Variants in COL21A1 observed in about 807,000 individuals in gnomAD.
COL21A1 encodes collagen type XXI alpha 1 chain.
A neutral mutation model predicts 137.9 loss-of-function variants in COL21A1; 149 were observed. The observed-to-expected ratio is 1.08, with a 90% CI of 0.95 to 1.24. The LOEUF is 1.24. Ranked by LOEUF, COL21A1 falls within the 50% of genes most tolerant of loss-of-function variation. The pLI is 0.00. For synonymous variants in COL21A1, 456 were observed against 391.5 expected, an observed-to-expected ratio of 1.16 and a Z score of -1.95; for missense variants, 1,167 against 1,158.4, an observed-to-expected ratio of 1.01 and a Z score of -0.11.
At chr6:56,083,343 T>A (rs1767956345) in intron 17 of COL21A1, among the ~76,000 whole-genome samples, 1 of 151,984 alleles carries the variant, frequency 6.6e-6, no homozygotes, top group Non-Finnish European at 1.5e-5. Flanking sequence ...CCCCAAGGAA[T>A]CTATCCTTCA....
chr6:56,196,452 C>T (rs1296548426), intron 1 of COL21A1, among the ~76,000 whole-genome samples: 2 of 151,972 alleles, frequency 1.3e-5, no homozygotes, highest in African/African-American at 2.4e-5. Flanking sequence ...GTGACATAAT[C>T]TTATTACAGA....
chr6:56,281,990 G>A (rs1763796848), intron 1 of COL21A1, among the ~76,000 whole-genome samples: 1 of 152,206 alleles, frequency 6.6e-6, no homozygotes. Flanking sequence ...TTTGCTGTGA[G>A]ACGATGTGTC....
intron 21 of COL21A1, 41 bp from the exon 22 acceptor site, chr6:56,069,158 G>T: frequency 7.4e-7 from 1 of 1,360,264 alleles, no homozygotes; most frequent in Non-Finnish European, 1.0e-6. Flanking sequence ...CAGATCTACT[G>T]CTTATGAAAA....
rs377305296 is a variant in COL21A1, at chr6:56,179,607, C to T, written c.611G>A (p.Arg204Lys). The change falls in exon 3 of 30, where the codon AGG becomes AAG. Residue 204 changes from arginine to lysine, a missense_variant. By Grantham distance (26) the Arg-to-Lys change is conservative. Coordinates refer to ENST00000244728, the MANE Select transcript of COL21A1 (RefSeq NM_030820.4). ...ACAAAGTTTCTGCTTCATCACTTCCCTTATTTTGGATATTGCAATATAGTC... is the reference window on the plus strand; with the variant it reads ...ACAAAGTTTCTGCTTCATCACTTCCTTTATTTTGGATATTGCAATATAGTC... Reference protein sequence around the residue: ...VEDYIAISKIREVMKQKLCEE... With the variant: ...VEDYIAISKIKEVMKQKLCEE... The T allele has an allele frequency of 3.1e-6, 5 of 1,611,412 alleles. No individual in the cohort carries two copies. The highest frequency in any genetic ancestry group is 1.6e-4 in the Middle Eastern group (1 of 6,074).
At chr6:56,085,394 A>G (rs978045829) in intron 17 of COL21A1, among the ~76,000 whole-genome samples, 24 of 152,088 alleles carry the variant, frequency 1.6e-4, no homozygotes, top group African/African-American at 5.3e-4. Context: ...TTGTCAATAA[A>G]CAAAACACAA....
chr6:56,125,573 G>T lies in COL21A1; in HGVS notation c.1644C>A (p.Gly548=). The T allele has an allele frequency of 6.3e-7, 1 of 1,598,312 alleles. No individual in the cohort carries two copies. The highest frequency in any genetic ancestry group is 8.5e-7 in the Non-Finnish European group (1 of 1,169,932). ...TTGTGTGATCTATACTTCCCTTTTT[G>T]CCATAAAATCCAGGTGATCCTTTGT... ...KGDKGSPGFY[G]KKGAKGEKGN... Residue 548 remains glycine, a synonymous_variant, in exon 14 of 30, where the codon GGC becomes GGA. Transcript: ENST00000244728.
rs779819458 is a variant in COL21A1 at position 56,171,048 on chromosome 6, T to C, written c.721A>G (p.Lys241Glu). ...FDILLGLDVN[K>E]KVKKRIQLSP... ...AGCTGTATTCTTTTCTTAACCTTTT[T>C]ATTTACATCTAAACCTAAAAGAATA... Residue 241 changes from lysine to glutamate, a missense_variant, in exon 4 of 30, where the codon AAA (lysine) becomes GAA (glutamate). Coordinates refer to ENST00000244728, the MANE Select transcript of COL21A1 (RefSeq NM_030820.4). 1 of 1,609,738 alleles carries C rather than the reference T, an allele frequency of 6.2e-7. No homozygotes were observed. The highest frequency in any genetic ancestry group is 1.1e-5 in the South Asian group (1 of 90,078).
intron 1 of COL21A1, among the ~76,000 whole-genome samples, chr6:56,339,187 T>A (rs6915143): frequency 1.1e-4 from 17 of 151,908 alleles, no homozygotes; most frequent in East Asian, 3.9e-4. Context: ...CTCCAAAGCC[T>A]TCTTCCTTCA....
intron 1 of COL21A1, among the ~76,000 whole-genome samples, chr6:56,326,429 C>T (rs770209032): frequency 2.0e-5 from 3 of 151,894 alleles, no homozygotes; most frequent in Non-Finnish European, 2.9e-5. Flanking sequence ...TTCCCCACTT[C>T]GGAAAGTAGC....
rs1403855109 is a variant in COL21A1, at chr6:56,179,858, G to A, written c.360C>T (p.Ile120=). The A allele has an allele frequency of 2.5e-6, 4 of 1,613,922 alleles. No individual in the cohort carries two copies. In the South Asian group the frequency reaches 4.4e-5, roughly 18 times the overall value. ...CAAAAAGGTAATCGAGCGCAAACTG[G>A]ATGGCCTTCCCTGTCTTTGTGTTTC... ...LGGNTKTGKA[I]QFALDYLFAK... Residue 120 remains isoleucine, a synonymous_variant, in exon 3 of 30, where the codon ATC becomes ATT. Transcript: ENST00000244728.
intron 29 of COL21A1, among the ~76,000 whole-genome samples, chr6:56,058,927 T>C (rs571855280): frequency 3.2e-4 from 48 of 152,294 alleles, no homozygotes; most frequent in African/African-American, 1.1e-3. Context: ...TCTAGAACTC[T>C]TCTAAGGAAT....
At chr6:56,261,512 C>T (rs1031436654) in intron 1 of COL21A1, among the ~76,000 whole-genome samples, 3 of 152,242 alleles carry the variant, frequency 2.0e-5, no homozygotes, top group African/African-American at 7.2e-5. Flanking sequence ...CCTGTTCTTC[C>T]TTGTGAGGAT....
chr6:56,126,152 G>A lies in COL21A1; in HGVS notation c.1543-3C>T, dbSNP rs1773038108. 1 of 1,541,182 alleles carries A rather than the reference G, an allele frequency of 6.5e-7. No homozygotes were observed. Among genetic ancestry groups the A allele is most frequent in the Non-Finnish European group, 8.8e-7 (1 of 1,138,812 alleles). On this transcript the variant is annotated splice_region_variant and splice_polypyrimidine_tract_variant and intron_variant, in intron 12 of 29. Transcript: ENST00000244728. ...AAACCAGGAAGTCCACGATCACCCT[G>A]AAAATAAAACTGAAATTAATTACAA...
intron 1 of COL21A1, among the ~76,000 whole-genome samples, chr6:56,305,256 G>C (rs1299062140): frequency 1.3e-5 from 2 of 152,202 alleles, no homozygotes; most frequent in Admixed American, 6.5e-5. Context: ...GGTCTGCTTG[G>C]TGTAGAGCTG....
chr6:56,190,120 C>G (rs972698137), intron 1 of COL21A1, among the ~76,000 whole-genome samples: 1 of 151,926 alleles, frequency 6.6e-6, no homozygotes, highest in Non-Finnish European at 1.5e-5. Flanking sequence ...AATAGAGACA[C>G]AAAAAACCCT....
At chr6:56,316,477 C>CTTTTTTTTTTTTTTTTTTTT in intron 1 of COL21A1, among the ~76,000 whole-genome samples, 1 of 75,786 alleles carries the variant, frequency 1.3e-5, no homozygotes, top group Non-Finnish European at 2.3e-5. Flanking sequence ...TCTAAATAGA[C>CTTTTTTTTTTTTTTTTTTTT]TTTTTTTTTT....
intron 1 of COL21A1, among the ~76,000 whole-genome samples, chr6:56,356,439 C>G (rs576888406): frequency 6.6e-6 from 1 of 152,170 alleles, no homozygotes; most frequent in East Asian, 1.9e-4. Flanking sequence ...CTCTGCCCCC[C>G]AAAGAGACAA....
chr6:56,253,515 G>C (rs1051298630), intron 1 of COL21A1, among the ~76,000 whole-genome samples: 1 of 152,148 alleles, frequency 6.6e-6, no homozygotes, highest in Non-Finnish European at 1.5e-5. Flanking sequence ...ACAGAGAAAA[G>C]TAGAACTCCA....
At chr6:56,269,153 A>G (rs571940005) in intron 1 of COL21A1, among the ~76,000 whole-genome samples, 1 of 152,340 alleles carries the variant, frequency 6.6e-6, no homozygotes, top group African/African-American at 2.4e-5. Flanking sequence ...CATGAGAGAA[A>G]AGGAGAGAGA....
Sources: gnomAD v4.1 joint callset for allele counts (sites outside exome capture counted in the v4.1 genomes callset) on GRCh38, gnomAD v4.1.1 for gene constraint, MANE v1.5 for transcripts, NCBI Gene and HGNC (gene_info 2026-07-23, HGNC 2026-07-21) for gene names.